The following PPFIA4 variants were observed in gnomAD, a reference collection of about 807,000 sequenced individuals.
The protein encoded by PPFIA4 is PPFI scaffold protein A4, also known as liprin-alpha-4.
In PPFIA4, 98 loss-of-function variants were observed where a neutral mutation model predicts 145.7. The observed-to-expected ratio is 0.67, with a 90% confidence interval of 0.57 to 0.80. PPFIA4 has a LOEUF of 0.80. Ranked by LOEUF, PPFIA4 falls within the 30% of genes least tolerant of loss-of-function variation. The pLI, the probability that PPFIA4 is intolerant of heterozygous loss-of-function variation, is 0.00. For synonymous variants in PPFIA4, 628 were observed against 649.6 expected, an observed-to-expected ratio of 0.97 and a Z score of 0.51; for missense variants, 1,457 against 1,632.7, an observed-to-expected ratio of 0.89 and a Z score of 1.85.
In PPFIA4 at chr1:203,048,896, G is replaced by T. The variant is rs764250639; in HGVS notation, c.1357-22G>T. 17 of 1,547,678 alleles carry T rather than the reference G, an allele frequency of 1.1e-5. No homozygotes were observed. In the African/African-American group the frequency reaches 2.3e-4, roughly 21 times the overall value. ...AATGGGAGAGGAAGGCAGGGGCCTG[G>T]CTCACAGCTGCTCTCCCCCAGAACA... On this transcript the variant is annotated intron_variant, in intron 11 of 29. Coordinates refer to ENST00000295706, the MANE Select transcript of PPFIA4 (RefSeq NM_001304331.2). The surrounding 1 kb of genome is among the most constrained non-coding windows in gnomAD (Gnocchi z 5.8).
chr1:203,074,434 C>T (rs114523866), intron 28 of PPFIA4, among the ~76,000 whole-genome samples: 4 of 138,188 alleles, frequency 2.9e-5, no homozygotes, highest in South Asian at 2.3e-4. Context: ...TATATGCCAT[C>T]CATTACTGAC....
intron 25 of PPFIA4, chr1:203,067,486 G>A (rs1389792): frequency 0.34 from 172,859 of 506,026 alleles, 30,931 homozygotes; most frequent in Middle Eastern, 0.41. Flanking sequence ...CTGACTGAGA[G>A]GGAGGATATG....
chr1:203,039,472 AGGTGTCAGCTACAGTGAGCTCAGGC>A (rs1225339098), intron 2 of PPFIA4, among the ~76,000 whole-genome samples: 1 of 152,196 alleles, frequency 6.6e-6, no homozygotes, highest in Non-Finnish European at 1.5e-5. Context: ...ACGCAGCCAT[AGGTGTCAGCTACAGTGAGCTCAGGC>A]GGCCAGTAGG....
chr1:203,054,772 A>G (rs140608139), intron 15 of PPFIA4, among the ~76,000 whole-genome samples: 62 of 152,348 alleles, frequency 4.1e-4, no homozygotes, highest in South Asian at 8.3e-4. Context: ...GCAAAGTAAA[A>G]CATTAATGAT....
chr1:203,038,940 C>A lies in PPFIA4; in HGVS notation c.-69C>A. On this transcript the variant is annotated 5_prime_UTR_variant, in exon 2 of 30. Transcript: ENST00000295706. Reference sequence around the variant, plus strand: ...CTCTGAGACCCATGCACTGGGTTCCCCTGGAGGTGCCAACCCTGTGAGTCC... The same window carrying A: ...CTCTGAGACCCATGCACTGGGTTCCACTGGAGGTGCCAACCCTGTGAGTCC... 1 of 830,442 alleles carries A rather than the reference C, an allele frequency of 1.2e-6. No individual in the cohort carries two copies. The highest frequency in any genetic ancestry group is 2.3e-4 in the Middle Eastern group (1 of 4,370). The allele number at this position is 830,442 out of a possible 1,614,324, so 51.4% of individuals were successfully genotyped here. A position where few individuals can be genotyped will look rare whatever the true frequency, so the allele number is the denominator to read the frequency against.
intron 9 of PPFIA4, among the ~76,000 whole-genome samples, chr1:203,046,789 C>T (rs911154945): frequency 6.6e-6 from 1 of 151,670 alleles, no homozygotes. Flanking sequence ...GTATATATAT[C>T]CCTGAAGGGC....
intron 1 of PPFIA4, among the ~76,000 whole-genome samples, chr1:203,037,946 A>G (rs1360937263): frequency 2.0e-5 from 3 of 152,128 alleles, no homozygotes; most frequent in African/African-American, 4.8e-5. Flanking sequence ...CCTCCTTGGC[A>G]GGTTTTGGAA....
rs1002745234 is a variant in PPFIA4, at chr1:203,039,062, T to C, written c.54T>C (p.His18=). 2.5e-6 allele frequency: 4 copies of C among 1,602,030 alleles called. No homozygotes were observed. Among genetic ancestry groups the C allele is most frequent in the East Asian group, 2.3e-5 (1 of 44,360 alleles). ...AGGGGGACCGCCTGGGTCCCCCTCA[T>C]GGCGCCGATGCTGACGCCAACTTCG... is the stretch of plus-strand genomic sequence containing the variant. The part of the protein sequence containing the change: ...INEGDRLGPP[H]GADADANFEQ... The change falls in exon 2 of 30, where the codon CAT becomes CAC. Residue 18 remains histidine, a synonymous_variant. Coordinates refer to ENST00000295706, the MANE Select transcript of PPFIA4 (RefSeq NM_001304331.2).
chr1:203,028,649 G>A (rs1658599717), intron 1 of PPFIA4, among the ~76,000 whole-genome samples: 2 of 152,130 alleles, frequency 1.3e-5, no homozygotes, highest in South Asian at 4.1e-4. Context: ...GGGTGTGTGT[G>A]TGTGTGCACA....
chr1:203,069,620 C>A (rs1368148933), intron 27 of PPFIA4, among the ~76,000 whole-genome samples: 2 of 152,184 alleles, frequency 1.3e-5, no homozygotes, highest in Non-Finnish European at 2.9e-5. Context: ...GCTGCACAGG[C>A]TATTCTGGGA....
At chr1:203,056,760 C>T in intron 18 of PPFIA4, 24 bp from the exon 19 acceptor site, 3 of 1,551,116 alleles carry the variant, frequency 1.9e-6, no homozygotes, top group South Asian at 1.1e-5. Flanking sequence ...CTTATTCCGC[C>T]CCCTTCTGGC....
At chr1:203,046,450 G>C in intron 9 of PPFIA4, 68 bp downstream of exon 9, 1 of 1,501,658 alleles carries the variant, frequency 6.7e-7, no homozygotes, top group Non-Finnish European at 8.9e-7. Flanking sequence ...GAGCCAGGCA[G>C]GGAAGGGAGC....
chr1:203,065,351 C>T (rs778938906), intron 25 of PPFIA4, among the ~76,000 whole-genome samples: 1 of 151,900 alleles, frequency 6.6e-6, no homozygotes, highest in African/African-American at 2.4e-5. Context: ...GAAAAGGAAT[C>T]GTTTTTCTCT....
chr1:203,060,504 CAGCATTGAGCCCT>C lies in PPFIA4; in HGVS notation c.2784+88_2784+100del, dbSNP rs1661286824. Reference sequence around the variant, plus strand: ...CTCCTGTTGGGCTTTGGGAAGATGGCAGCATTGAGCCCTGCCCCTTCCTTCCCATCCTCACAAA... The same window carrying C: ...CTCCTGTTGGGCTTTGGGAAGATGGCGCCCCTTCCTTCCCATCCTCACAAA... On this transcript the variant is annotated intron_variant, in intron 22 of 29. Coordinates refer to ENST00000295706, the MANE Select transcript of PPFIA4 (RefSeq NM_001304331.2). This position sits in a 1 kb window ranked among gnomAD's most constrained non-coding sequence, Gnocchi z 4.8. 1 of 1,365,892 alleles carries C rather than the reference CAGCATTGAGCCCT, an allele frequency of 7.3e-7. No homozygotes were observed. Among genetic ancestry groups the C allele is most frequent in the Non-Finnish European group, 1.0e-6 (1 of 976,602 alleles). 84.6% of individuals were successfully genotyped at this position (1,365,892 alleles called of 1,614,324 possible). A position where few individuals can be genotyped will look rare whatever the true frequency, so the allele number is the denominator to read the frequency against.
chr1:203,056,848 G>A lies in PPFIA4; in HGVS notation c.2305G>A (p.Gly769Ser). 6.2e-7 allele frequency: 1 copy of A among 1,614,068 alleles called. No individual in the cohort carries two copies. The highest frequency in any genetic ancestry group is 8.5e-7 in the Non-Finnish European group (1 of 1,179,908). The change falls in exon 19 of 30, where the codon GGC (glycine) becomes AGC (serine). Residue 769 changes from glycine (G) to serine (S), a missense_variant. Physicochemically the swap from Gly to Ser is moderately conservative, Grantham distance 56 (BLOSUM62 0). Coordinates refer to ENST00000295706, the MANE Select transcript of PPFIA4 (RefSeq NM_001304331.2). The part of the protein sequence containing the change: ...SNSSQDSLHK[G>S]AKRKGIKSSI... ...CAGCAGCCAGGACTCCCTGCACAAG[G>A]GCGCCAAGCGCAAGGGCATCAAGTC...
chr1:203,041,515 C>T (rs752535410), intron 2 of PPFIA4, among the ~76,000 whole-genome samples: 1 of 152,172 alleles, frequency 6.6e-6, no homozygotes, highest in Middle Eastern at 3.2e-3. Context: ...TCGCCTGAGC[C>T]CAGGAGGTCC....
At chr1:203,058,588 G>T (rs1661137176) in intron 19 of PPFIA4, among the ~76,000 whole-genome samples, 1 of 152,200 alleles carries the variant, frequency 6.6e-6, no homozygotes, top group Non-Finnish European at 1.5e-5. Flanking sequence ...ACTGTGCACT[G>T]TGGGGGGGTG....
At chr1:203,029,774 C>T (rs570100288) in intron 1 of PPFIA4, among the ~76,000 whole-genome samples, 30 of 152,292 alleles carry the variant, frequency 2.0e-4, no homozygotes, top group Middle Eastern at 3.4e-3. Flanking sequence ...GTGAAAACTT[C>T]CCAGTCTCTC....
At chr1:203,051,689 G>C (rs1358891012) in intron 13 of PPFIA4, 80 bp from the exon 14 acceptor site, 36 of 1,529,700 alleles carry the variant, frequency 2.4e-5, no homozygotes, top group Non-Finnish European at 2.9e-5. Flanking sequence ...AAGATCCCTT[G>C]ACTCTTTGGG....
Sources: allele counts gnomAD v4.1 joint callset (sites outside exome capture counted in the v4.1 genomes callset), GRCh38; gene constraint gnomAD v4.1.1; non-coding constraint Gnocchi (gnomAD v3.1); transcripts MANE v1.5; gene names NCBI Gene and HGNC (gene_info 2026-07-23, HGNC 2026-07-21).